The following CLMN variants were observed in gnomAD, a reference collection of about 807,000 sequenced individuals.
CLMN encodes calmin (calponin-like, transmembrane).
Under a neutral mutation model 92.7 loss-of-function variants are expected in CLMN, and 57 were observed. That is an observed-to-expected ratio of 0.61 (90% confidence interval 0.50 to 0.77). The LOEUF is 0.77. Ranked by LOEUF, CLMN falls within the 30% of genes least tolerant of loss-of-function variation. The pLI, the probability that CLMN is intolerant of heterozygous loss-of-function variation, is 0.00. For missense variants in CLMN, 1,158 were observed against 1,237.5 expected (o/e 0.94, Z 0.96); for synonymous variants, 466 against 470.6 (o/e 0.99, Z 0.13).
intron 4 of CLMN, among the ~76,000 whole-genome samples, chr14:95,220,176 T>TTC (rs1203715978): frequency 1.4e-5 from 2 of 140,268 alleles, no homozygotes; most frequent in Non-Finnish European, 3.1e-5. Flanking sequence ...TCCCTTTTTT[T>TTC]TTTTTTTTTT....
chr14:95,274,736 T>A (rs1472797888), intron 1 of CLMN, among the ~76,000 whole-genome samples: 1 of 152,188 alleles, frequency 6.6e-6, no homozygotes, highest in Non-Finnish European at 1.5e-5. Flanking sequence ...ATCCCAGCAC[T>A]TTGGGAGGCC....
chr14:95,223,099 A>G (rs1226299794), intron 3 of CLMN, among the ~76,000 whole-genome samples: 1 of 152,198 alleles, frequency 6.6e-6, no homozygotes, highest in Non-Finnish European at 1.5e-5. Context: ...CATGTCTGGG[A>G]GATTGTTAGC....
At chr14:95,210,134 C>G (rs12896282) in intron 7 of CLMN, among the ~76,000 whole-genome samples, 15,138 of 152,080 alleles carry the variant, frequency 0.1, 1,249 homozygotes, top group African/African-American at 0.22. Context: ...CTCACTGCAA[C>G]TTCCACCTCC....
intron 1 of CLMN, among the ~76,000 whole-genome samples, chr14:95,232,117 T>C (rs937292067): frequency 6.6e-6 from 1 of 152,260 alleles, no homozygotes; most frequent in Non-Finnish European, 1.5e-5. Flanking sequence ...TCCTGAGTTC[T>C]GTGGCCTTAG....
rs931389779 is a variant in CLMN, at chr14:95,247,070, A to G, written c.83-16937T>C. Among the ~76,000 whole-genome samples, 5 of 152,202 alleles carry G rather than the reference A, an allele frequency of 3.3e-5. No individual in the cohort carries two copies. In the East Asian group the frequency reaches 9.7e-4, roughly 29 times the overall value. ...CAGACAGAATTCACAGGCCAGAACC[A>G]TGACAGCCTGGGTGAAGGTACTCAG... On this transcript the variant is annotated intron_variant, in intron 1 of 12. Transcript: ENST00000298912.
At chr14:95,287,451 T>A (rs1595097183) in intron 1 of CLMN, among the ~76,000 whole-genome samples, 1 of 152,328 alleles carries the variant, frequency 6.6e-6, no homozygotes, top group East Asian at 1.9e-4. Flanking sequence ...AGGCAGCAGC[T>A]GGATCCCTGT....
intron 1 of CLMN, among the ~76,000 whole-genome samples, chr14:95,276,445 T>C (rs1899930681): frequency 6.6e-6 from 1 of 152,134 alleles, no homozygotes; most frequent in African/African-American, 2.4e-5. Flanking sequence ...GGAGCTTTTT[T>C]CTCCCCAAAG....
chr14:95,209,771 C>A lies in CLMN; in HGVS notation c.803-294G>T, dbSNP rs1897143123. ...CAGTAAGCAGCCAGCTCGCTGCTGG[C>A]TCCATGGGCAAGGACGGTGAACCAG... On this transcript the variant is annotated intron_variant, in intron 7 of 12. Coordinates refer to ENST00000298912, the MANE Select transcript of CLMN (RefSeq NM_024734.4). Among the ~76,000 whole-genome samples, 2 of 152,228 alleles carry A rather than the reference C, an allele frequency of 1.3e-5. 1 individual carries two copies. Among genetic ancestry groups the A allele is most frequent in the South Asian group, 4.1e-4 (2 of 4,834 alleles).
intron 1 of CLMN, among the ~76,000 whole-genome samples, chr14:95,269,539 A>G (rs1227446929): frequency 1.3e-5 from 2 of 152,242 alleles, no homozygotes; most frequent in Non-Finnish European, 2.9e-5. Context: ...TGACAAGGTC[A>G]TTGTGCTTTA....
chr14:95,249,450 G>A (rs530235082), intron 1 of CLMN, among the ~76,000 whole-genome samples: 1 of 152,304 alleles, frequency 6.6e-6, no homozygotes, highest in South Asian at 2.1e-4. Flanking sequence ...AAGAAGGTGA[G>A]TCATGTCTGT....
intron 1 of CLMN, among the ~76,000 whole-genome samples, chr14:95,271,716 A>G (rs1899717674): frequency 6.6e-6 from 1 of 152,178 alleles, no homozygotes; most frequent in Non-Finnish European, 1.5e-5. Flanking sequence ...TGCTCAATGA[A>G]TTTTAGCCTG....
Position 95,182,505 on chromosome 14 carries a change from G to C in CLMN, c.*9059C>G, listed in dbSNP as rs1896351624. On this transcript the variant is annotated 3_prime_UTR_variant, in exon 13 of 13. Coordinates refer to ENST00000298912, the MANE Select transcript of CLMN (RefSeq NM_024734.4). ...GGATAGTATCAGCACCACTGTGAGT[G>C]ACATAGGCAGCATCTTATGGTGCAA... 6.6e-6 allele frequency: 1 copy of C among 152,222 alleles called. No homozygotes were observed. The highest frequency in any genetic ancestry group is 2.4e-5 in the African/African-American group (1 of 41,434). 9.4% of individuals were successfully genotyped at this position (152,222 alleles called of 1,614,324 possible).
chr14:95,238,071 T>C (rs897764722), intron 1 of CLMN, among the ~76,000 whole-genome samples: 1 of 152,172 alleles, frequency 6.6e-6, no homozygotes, highest in African/African-American at 2.4e-5. Flanking sequence ...TGGCAAGCCC[T>C]GCCCCACTGA....
intron 9 of CLMN, among the ~76,000 whole-genome samples, chr14:95,200,999 C>T (rs1050285146): frequency 7.4e-5 from 5 of 67,528 alleles, no homozygotes; most frequent in South Asian, 5.9e-4. Flanking sequence ...CATCACATAC[C>T]GGGGCCTGTG....
intron 1 of CLMN, among the ~76,000 whole-genome samples, chr14:95,267,019 C>A (rs1426598137): frequency 6.6e-6 from 1 of 152,058 alleles, no homozygotes; most frequent in Non-Finnish European, 1.5e-5. Flanking sequence ...TCTGAGCATA[C>A]AAAAATCAAA....
intron 8 of CLMN, 95 bp downstream of exon 8, chr14:95,209,300 A>T: frequency 1.8e-6 from 2 of 1,105,848 alleles, no homozygotes; most frequent in Non-Finnish European, 2.8e-6. Context: ...ACTGCTAGTT[A>T]CACAGAGCAA....
At chr14:95,196,379 G>T in intron 10 of CLMN, 119 bp downstream of exon 10, 1 of 982,198 alleles carries the variant, frequency 1.0e-6, no homozygotes, top group Non-Finnish European at 1.5e-6. Context: ...GTATGAAGCT[G>T]TATTTCCCTT....
rs921019796 is a variant in CLMN at position 95,289,071 on chromosome 14, G to T, written c.82+30640C>A. ...CACTGGGAGGGGCACAGAGAGAGCT[G>T]CTTGTGTTCCAGATGTGGCCTCTGC... On this transcript the variant is annotated intron_variant, in intron 1 of 12. Coordinates refer to ENST00000298912, the MANE Select transcript of CLMN (RefSeq NM_024734.4). Among the ~76,000 whole-genome samples, 8 of 152,234 alleles carry T rather than the reference G, an allele frequency of 5.3e-5. No individual in the cohort carries two copies. In the East Asian group the frequency reaches 1.2e-3, roughly 22 times the overall value.
At chr14:95,313,548 G>A (rs1901632701) in intron 1 of CLMN, among the ~76,000 whole-genome samples, 2 of 151,680 alleles carry the variant, frequency 1.3e-5, no homozygotes, top group Admixed American at 6.6e-5. Context: ...ACCTGGTAAG[G>A]AAGAAAAAGT....
Sources: gnomAD v4.1 joint callset for allele counts (sites outside exome capture counted in the v4.1 genomes callset) on GRCh38, gnomAD v4.1.1 for gene constraint, MANE v1.5 for transcripts, NCBI Gene and HGNC (gene_info 2026-07-23, HGNC 2026-07-21) for gene names.